Variants in GABRB1 observed in about 807,000 individuals in gnomAD.
The protein encoded by GABRB1 is gamma-aminobutyric acid receptor subunit beta-1.
In GABRB1, 17 loss-of-function variants were observed where a neutral mutation model predicts 51.6. That is an observed-to-expected ratio of 0.33 (90% confidence interval 0.23 to 0.49). GABRB1 has a LOEUF of 0.49. Among genes scored for constraint, GABRB1 ranks in the 20% least tolerant of loss-of-function variants. GABRB1 has a pLI of 0.99. For missense variants in GABRB1, 410 were observed against 600.6 expected (o/e 0.68, Z 3.32); for synonymous variants, 247 against 218.9 (o/e 1.13, Z -1.14).
At chr4:47,028,169 T>A (rs1415691253), upstream of GABRB1, among the ~76,000 whole-genome samples, 2 of 151,746 alleles carry the variant, frequency 1.3e-5, no homozygotes, top group East Asian at 3.8e-4. Flanking sequence ...TTTTTTTAAA[T>A]ATTTTCTATT....
At chr4:47,309,432 T>A (rs954192648) in intron 4 of GABRB1, among the ~76,000 whole-genome samples, 2 of 152,082 alleles carry the variant, frequency 1.3e-5, no homozygotes, top group African/African-American at 4.8e-5. Flanking sequence ...GGGATTGCAC[T>A]GAGAAGAGTG....
chr4:47,338,198 G>T (rs1385318258), intron 5 of GABRB1, among the ~76,000 whole-genome samples: 2 of 152,080 alleles, frequency 1.3e-5, no homozygotes, highest in Non-Finnish European at 2.9e-5. Context: ...CCTTTGCTCT[G>T]GAGCTGACTG....
At chr4:47,355,230 C>T (rs1177541484) in intron 5 of GABRB1, among the ~76,000 whole-genome samples, 1 of 152,062 alleles carries the variant, frequency 6.6e-6, no homozygotes, top group Non-Finnish European at 1.5e-5. Context: ...GATTTGCCTG[C>T]CTTGGCTTCT....
intron 5 of GABRB1, among the ~76,000 whole-genome samples, chr4:47,351,848 T>C (rs1726356060): frequency 6.6e-6 from 1 of 152,056 alleles, no homozygotes; most frequent in Non-Finnish European, 1.5e-5. Context: ...TTTGCTATTG[T>C]GAATAGTGCC....
chr4:47,290,806 G>A (rs1723698149), intron 4 of GABRB1, among the ~76,000 whole-genome samples: 1 of 152,130 alleles, frequency 6.6e-6, no homozygotes, highest in African/African-American at 2.4e-5. Context: ...GGTATCTGGT[G>A]GAAGAAATCT....
At chr4:47,150,249 A>G (rs866041827) in intron 3 of GABRB1, among the ~76,000 whole-genome samples, 2 of 149,058 alleles carry the variant, frequency 1.3e-5, no homozygotes, top group South Asian at 4.3e-4. Context: ...ATGTTTGGTG[A>G]GCATGACAAA....
At chr4:47,261,422 T>C (rs1053560143) in intron 4 of GABRB1, among the ~76,000 whole-genome samples, 1 of 152,122 alleles carries the variant, frequency 6.6e-6, no homozygotes, top group Non-Finnish European at 1.5e-5. Context: ...AGCCAAATCA[T>C]GAGTGAACTC....
intron 1 of GABRB1, among the ~76,000 whole-genome samples, chr4:46,998,539 C>G (rs953839196): frequency 2.0e-5 from 3 of 151,936 alleles, no homozygotes; most frequent in African/African-American, 4.8e-5. Flanking sequence ...GGAGACCACC[C>G]TGGCTAACAT....
At chr4:47,042,077 G>A (rs1389233382) in intron 3 of GABRB1, among the ~76,000 whole-genome samples, 1 of 151,846 alleles carries the variant, frequency 6.6e-6, no homozygotes, top group Non-Finnish European at 1.5e-5. Flanking sequence ...TACTATGTAA[G>A]CTTTAGGAAG....
chr4:47,258,706 G>A (rs908049923), intron 4 of GABRB1, among the ~76,000 whole-genome samples: 20 of 152,032 alleles, frequency 1.3e-4, no homozygotes, highest in Non-Finnish European at 2.1e-4. Context: ...TTTTGTTTAT[G>A]GGCACAAAAT....
chr4:47,151,034 C>T (rs1202105188), intron 3 of GABRB1, among the ~76,000 whole-genome samples: 1 of 151,918 alleles, frequency 6.6e-6, no homozygotes, highest in Non-Finnish European at 1.5e-5. Flanking sequence ...TATTTTAAGA[C>T]TTCCCCAGGG....
intron 4 of GABRB1, among the ~76,000 whole-genome samples, chr4:47,251,688 C>A (rs1721993873): frequency 6.6e-6 from 1 of 152,088 alleles, no homozygotes; most frequent in African/African-American, 2.4e-5. Context: ...CAGGAAGCAA[C>A]AGAAAGGCCA....
At chr4:47,291,359 T>C (rs926250898) in intron 4 of GABRB1, among the ~76,000 whole-genome samples, 6 of 152,194 alleles carry the variant, frequency 3.9e-5, no homozygotes, top group African/African-American at 1.4e-4. Flanking sequence ...AGGCAGAAGT[T>C]TGCTGCAGGG....
chr4:47,426,205 T>A lies in GABRB1; in HGVS notation c.*187T>A, dbSNP rs1209948442. ...TCAAAAAGACAAAACAAAAAAAAAA[T>A]TATTTTTCCAGTCTACCGTGGTCCA... On this transcript the variant is annotated 3_prime_UTR_variant, in exon 9 of 9. Coordinates refer to ENST00000295454, the MANE Select transcript of GABRB1 (RefSeq NM_000812.4). The A allele has an allele frequency of 2.1e-5, 10 of 474,128 alleles. No homozygotes were observed. In the South Asian group the frequency reaches 3.1e-4, roughly 15 times the overall value. The allele number at this position is 474,128 out of a possible 1,614,324, so 29.4% of individuals were successfully genotyped here. A position where few individuals can be genotyped will look rare whatever the true frequency, so the allele number is the denominator to read the frequency against.
intron 4 of GABRB1, among the ~76,000 whole-genome samples, chr4:47,163,345 G>C (rs1447829545): frequency 2.0e-5 from 3 of 151,966 alleles, no homozygotes; most frequent in Non-Finnish European, 4.4e-5. Flanking sequence ...GCATACTCAG[G>C]ATAGTTTTCT....
intron 4 of GABRB1, among the ~76,000 whole-genome samples, chr4:47,269,086 A>C (rs1202820865): frequency 1.3e-5 from 2 of 152,164 alleles, no homozygotes; most frequent in African/African-American, 4.8e-5. Context: ...TTTTGGTCTG[A>C]ATTTAAGCAC....
At chr4:47,166,249 C>A (rs1161872950) in intron 4 of GABRB1, among the ~76,000 whole-genome samples, 9 of 151,870 alleles carry the variant, frequency 5.9e-5, no homozygotes, top group Admixed American at 5.9e-4. Context: ...TGCGTAAGTC[C>A]ATTTATTGGA....
intron 3 of GABRB1, among the ~76,000 whole-genome samples, chr4:47,126,617 T>C (rs937649764): frequency 9.2e-5 from 14 of 152,014 alleles, no homozygotes; most frequent in African/African-American, 3.4e-4. Flanking sequence ...ACACGTAAAG[T>C]GGCAAAAATC....
At chr4:47,243,045 C>G (rs1325941345) in intron 4 of GABRB1, among the ~76,000 whole-genome samples, 1 of 152,164 alleles carries the variant, frequency 6.6e-6, no homozygotes, top group Non-Finnish European at 1.5e-5. Context: ...TTTAATCCAT[C>G]TTGAATTAAT....
Sources: gnomAD v4.1 joint callset for allele counts (sites outside exome capture counted in the v4.1 genomes callset) on GRCh38, gnomAD v4.1.1 for gene constraint, MANE v1.5 for transcripts, NCBI Gene and HGNC (gene_info 2026-07-23, HGNC 2026-07-21) for gene names.